RTL4: variants seen among roughly 807,000 people sequenced by gnomAD.
The protein encoded by RTL4 is retrotransposon Gag like 4, also known as retrotransposon Gag-like protein 4.
In RTL4, 4 loss-of-function variants were observed where a neutral mutation model predicts 5.3. The observed-to-expected ratio is 0.75, with a 90% CI of 0.37 to 1.72. RTL4 has a LOEUF of 1.72. RTL4 is among the 40% of genes most tolerant of loss of function. The pLI is 0.04. For missense variants in RTL4, 260 were observed against 227.1 expected, an observed-to-expected ratio of 1.14 and a Z score of -0.93; for synonymous variants, 98 against 87.3, an observed-to-expected ratio of 1.12 and a Z score of -0.68.
the RTL4 span, among the ~76,000 whole-genome samples, chrX:112,415,692 G>A: frequency 9.0e-6 from 1 of 111,220 alleles, no homozygotes; most frequent in Non-Finnish European, 1.9e-5. Context: ...ACTCTTATGT[G>A]ATAGACACTT....
the RTL4 span, among the ~76,000 whole-genome samples, chrX:112,103,617 A>G: frequency 9.0e-6 from 1 of 111,294 alleles, no homozygotes; most frequent in East Asian, 2.8e-4. Flanking sequence ...GACTTCACTT[A>G]TGAATATGGA....
upstream of RTL4, among the ~76,000 whole-genome samples, chrX:112,454,184 G>C (rs1926791048): frequency 2.7e-5 from 3 of 111,144 alleles, no homozygotes; most frequent in South Asian, 1.1e-3. Flanking sequence ...AATTGTCTTG[G>C]GCCACACATA....
chrX:112,215,504 A>G, the RTL4 span, among the ~76,000 whole-genome samples: 1 of 112,037 alleles, frequency 8.9e-6, no homozygotes, highest in East Asian at 2.8e-4. Flanking sequence ...TTTATTATCA[A>G]TTTGACTATT....
the RTL4 span, among the ~76,000 whole-genome samples, chrX:112,342,697 CA>C: frequency 9.0e-6 from 1 of 111,580 alleles, no homozygotes; most frequent in African/African-American, 3.3e-5. Flanking sequence ...CCTCAATAAC[CA>C]GGAATCAAAC....
the RTL4 span, among the ~76,000 whole-genome samples, chrX:112,097,867 A>C: frequency 9.0e-6 from 1 of 111,364 alleles, no homozygotes; most frequent in Admixed American, 9.5e-5. Context: ...TGTTTTGAGG[A>C]CCAGGAATCT....
chrX:112,256,036 C>T, the RTL4 span, among the ~76,000 whole-genome samples: 3 of 111,893 alleles, frequency 2.7e-5, no homozygotes, highest in African/African-American at 9.7e-5. Flanking sequence ...TTATAGTTAA[C>T]AAAAATGCCA....
the RTL4 span, among the ~76,000 whole-genome samples, chrX:112,261,044 C>A: frequency 9.0e-6 from 1 of 111,538 alleles, no homozygotes; most frequent in African/African-American, 3.3e-5. Flanking sequence ...TAAATTAATT[C>A]ATGAAACAAA....
At chrX:112,138,455 TGATA>T in the RTL4 span, among the ~76,000 whole-genome samples, 1 of 111,634 alleles carries the variant, frequency 9.0e-6, no homozygotes, top group Non-Finnish European at 1.9e-5. Flanking sequence ...GTTTTGGAGG[TGATA>T]GATACGTTTA....
chrX:112,277,181 TG>T, the RTL4 span, among the ~76,000 whole-genome samples: 1 of 111,421 alleles, frequency 9.0e-6, no homozygotes, highest in Non-Finnish European at 1.9e-5. Context: ...GTACAAAAAC[TG>T]GGAGGATTGA....
At chrX:112,195,110 G>T in the RTL4 span, among the ~76,000 whole-genome samples, 1 of 111,819 alleles carries the variant, frequency 8.9e-6, no homozygotes, top group Admixed American at 9.5e-5. Flanking sequence ...TGAAAGAAAG[G>T]TTGAGGCAGA....
the RTL4 span, among the ~76,000 whole-genome samples, chrX:112,310,113 T>A: frequency 9.7e-6 from 1 of 103,545 alleles, no homozygotes; most frequent in East Asian, 3.1e-4. Flanking sequence ...ATGGACTGAA[T>A]TGTACCCCCT....
At chrX:112,411,491 A>C in the RTL4 span, among the ~76,000 whole-genome samples, 1 of 111,590 alleles carries the variant, frequency 9.0e-6, no homozygotes, top group Non-Finnish European at 1.9e-5. Context: ...AATACATTAA[A>C]GAGATCATTC....
the RTL4 span, among the ~76,000 whole-genome samples, chrX:112,223,026 A>G: frequency 8.9e-6 from 1 of 112,606 alleles, no homozygotes; most frequent in African/African-American, 3.2e-5. Flanking sequence ...GATGCTGAAC[A>G]CTTTTCCTTT....
chrX:112,172,825 C>T, the RTL4 span, among the ~76,000 whole-genome samples: 1 of 111,599 alleles, frequency 9.0e-6, no homozygotes, highest in Non-Finnish European at 1.9e-5. Context: ...GAATACTATG[C>T]AGCCATAAAA....
chrX:112,152,111 G>A, the RTL4 span, among the ~76,000 whole-genome samples: 1 of 111,314 alleles, frequency 9.0e-6, no homozygotes, highest in African/African-American at 3.3e-5. Flanking sequence ...TGAAATGAGA[G>A]GGCTACCTTC....
the RTL4 span, among the ~76,000 whole-genome samples, chrX:112,175,787 A>C: frequency 1.2e-4 from 13 of 111,404 alleles, no homozygotes; most frequent in South Asian, 4.2e-3. Context: ...TGAATGGGCA[A>C]AAACTGGAAG....
At chrX:112,089,618 C>T in the RTL4 span, among the ~76,000 whole-genome samples, 1 of 111,380 alleles carries the variant, frequency 9.0e-6, no homozygotes, top group Admixed American at 9.5e-5. Flanking sequence ...CACCTTTATG[C>T]CATACCACAC....
chrX:112,434,044 T>G, the RTL4 span, among the ~76,000 whole-genome samples: 2 of 99,949 alleles, frequency 2.0e-5, no homozygotes, highest in African/African-American at 3.7e-5. Context: ...TTTATTGATT[T>G]GCGTATATTG....
At chrX:112,344,970 G>A in the RTL4 span, among the ~76,000 whole-genome samples, 11 of 111,297 alleles carry the variant, frequency 9.9e-5, no homozygotes, top group African/African-American at 3.6e-4. Flanking sequence ...ATCAGAACTC[G>A]TGAGACTTAC....
Sources: gnomAD v4.1 joint callset for allele counts (sites outside exome capture counted in the v4.1 genomes callset) on GRCh38, gnomAD v4.1.1 for gene constraint, MANE v1.5 for transcripts, NCBI Gene and HGNC (gene_info 2026-07-23, HGNC 2026-07-21) for gene names.